Variants in KIAA1217 observed in about 807,000 individuals in gnomAD.
The protein encoded by KIAA1217 is sickle tail protein homolog.
Under a neutral mutation model 163.9 loss-of-function variants are expected in KIAA1217, and 88 were observed. That is an observed-to-expected ratio of 0.54 (90% CI 0.45 to 0.64). The LOEUF is 0.64. KIAA1217 is among the 30% of genes least tolerant of loss of function. KIAA1217 has a pLI of 0.00. For missense variants in KIAA1217, 2,372 were observed against 2,475.0 expected (o/e 0.96, Z 0.88); for synonymous variants, 903 against 923.1 (o/e 0.98, Z 0.39).
intron 2 of KIAA1217, among the ~76,000 whole-genome samples, chr10:24,359,837 A>T (rs1220752777): frequency 6.6e-6 from 1 of 151,994 alleles, no homozygotes; most frequent in Non-Finnish European, 1.5e-5. Flanking sequence ...TTGTTATATC[A>T]ACTATAATTC....
chr10:24,177,125 C>T (rs1286175019), intron 2 of KIAA1217, among the ~76,000 whole-genome samples: 1 of 151,502 alleles, frequency 6.6e-6, no homozygotes, highest in African/African-American at 2.4e-5. Context: ...TAGGCCTTGG[C>T]CAGCCCAGAG....
At chr10:23,730,242 A>G (rs1838402130) in intron 1 of KIAA1217, among the ~76,000 whole-genome samples, 1 of 151,934 alleles carries the variant, frequency 6.6e-6, no homozygotes, top group African/African-American at 2.4e-5. Context: ...CTGTGTCTAG[A>G]TTCTTTTTTT....
intron 3 of KIAA1217, among the ~76,000 whole-genome samples, chr10:24,392,592 C>T (rs2055129857): frequency 6.6e-6 from 1 of 152,194 alleles, no homozygotes. Context: ...AGAGGCAGAT[C>T]ATTGTTGAAG....
At chr10:23,930,889 C>G (rs1163073033) in intron 1 of KIAA1217, among the ~76,000 whole-genome samples, 1 of 152,138 alleles carries the variant, frequency 6.6e-6, no homozygotes, top group Non-Finnish European at 1.5e-5. Context: ...TTGAGCCTGT[C>G]CTTCCTCACG....
chr10:23,910,235 C>T (rs915179659), intron 1 of KIAA1217, among the ~76,000 whole-genome samples: 4 of 151,276 alleles, frequency 2.6e-5, no homozygotes, highest in African/African-American at 9.7e-5. Flanking sequence ...TACCGTGGCA[C>T]GTGTATACCT....
rs191743982 is a variant in KIAA1217 at position 24,138,056 on chromosome 10, C to T, written c.-170-81570C>T. ...AAAAATGAAAGATAAACACTATGAACGTATAGTAGCATAAGGTTCTTTCCA... is the reference window on the plus strand; with the variant it reads ...AAAAATGAAAGATAAACACTATGAATGTATAGTAGCATAAGGTTCTTTCCA... On this transcript the variant is annotated intron_variant, in intron 2 of 18. Coordinates refer to the KIAA1217 transcript ENST00000376462. 5.7e-4 allele frequency among the ~76,000 whole-genome samples: 87 copies of T among 152,134 alleles called. 2 individuals carry two copies. The highest frequency in any genetic ancestry group is 5.0e-3 in the South Asian group (24 of 4,816).
intron 2 of KIAA1217, among the ~76,000 whole-genome samples, chr10:24,146,437 T>C (rs1387863285): frequency 6.6e-6 from 1 of 152,206 alleles, no homozygotes; most frequent in Non-Finnish European, 1.5e-5. Flanking sequence ...TTGGACACAA[T>C]TTAATTATCA....
At chr10:24,350,483 G>A (rs974892833) in intron 2 of KIAA1217, among the ~76,000 whole-genome samples, 1 of 151,922 alleles carries the variant, frequency 6.6e-6, no homozygotes, top group African/African-American at 2.4e-5. Context: ...TTGCCTGGGT[G>A]CATTTTGAAA....
chr10:24,088,234 C>A (rs1487852736), intron 2 of KIAA1217, among the ~76,000 whole-genome samples: 4 of 103,872 alleles, frequency 3.9e-5, no homozygotes, highest in African/African-American at 1.4e-4. Context: ...TGTGTCCTCC[C>A]AGGCTCTGTT....
chr10:24,202,812 A>T (rs758668073), intron 2 of KIAA1217, among the ~76,000 whole-genome samples: 1 of 152,232 alleles, frequency 6.6e-6, no homozygotes, highest in Non-Finnish European at 1.5e-5. Flanking sequence ...GCCGAACTGC[A>T]TGATGCCTTA....
upstream of KIAA1217, among the ~76,000 whole-genome samples, chr10:24,204,135 G>T (rs1400693474): frequency 6.6e-6 from 1 of 152,228 alleles, no homozygotes; most frequent in East Asian, 1.9e-4. Flanking sequence ...AATTTGTGTG[G>T]AGTAGCAGGA....
intron 2 of KIAA1217, among the ~76,000 whole-genome samples, chr10:24,090,164 C>CTTTTTTTTTTTTTTTTTTTTTTTTTTT (rs1162687231): frequency 9.2e-5 from 10 of 109,232 alleles, no homozygotes; most frequent in Non-Finnish European, 1.8e-4. Context: ...TTTTCTTTTT[C>CTTTTTTTTTTTTTTTTTTTTTTTTTTT]TTTTTTTTTT....
chr10:24,520,193 G>C lies in KIAA1217; in HGVS notation c.2248G>C (p.Asp750His). ...AGCCAGCCGATTGGTTACTCTGAAA[G>C]ACGTGGAAGACGGGGCTTTCCTCCT... Reference protein sequence around the residue: ...TAASRLVTLKDVEDGAFLLRQ... With the variant: ...TAASRLVTLKHVEDGAFLLRQ... The change falls in exon 11 of 21, where the codon GAC becomes CAC. Residue 750 changes from aspartate to histidine, a missense_variant. By Grantham distance (81) the Asp-to-His change is moderately conservative (BLOSUM62 -1). This residue lies in a region of KIAA1217 where 1,431 missense variants were observed against 1,470.3 expected (regional missense o/e 0.97). Transcript: ENST00000376454. The C allele has an allele frequency of 6.2e-7, 1 of 1,614,164 alleles. No individual in the cohort carries two copies.
intron 1 of KIAA1217, among the ~76,000 whole-genome samples, chr10:24,004,648 T>A (rs989013204): frequency 6.6e-6 from 1 of 152,212 alleles, no homozygotes; most frequent in Non-Finnish European, 1.5e-5. Context: ...TAACTCAAGG[T>A]GTATTTTCAT....
At position 24,103,189 on chromosome 10, in the gene KIAA1217, A is replaced by G. The variant is rs1000271141; in HGVS notation, c.-171+95815A>G. On this transcript the variant is annotated intron_variant, in intron 2 of 18. Transcript: ENST00000376462. ...GAAGATAGTCTTTTTAAAATAGGGT[A>G]CTGGAACAACTAGACAACACATACA... Among the ~76,000 whole-genome samples the G allele has an allele frequency of 2.6e-5, 4 of 152,220 alleles. No individual in the cohort carries two copies. In the East Asian group the frequency reaches 5.8e-4, roughly 22 times the overall value.
chr10:24,527,725 G>A (rs560377490), intron 13 of KIAA1217, among the ~76,000 whole-genome samples: 1 of 152,028 alleles, frequency 6.6e-6, no homozygotes, highest in East Asian at 1.9e-4. Flanking sequence ...TAAAGTTCAG[G>A]GGTACAATTG....
intron 1 of KIAA1217, among the ~76,000 whole-genome samples, chr10:23,966,351 T>A (rs1243490911): frequency 6.6e-6 from 1 of 152,156 alleles, no homozygotes; most frequent in African/African-American, 2.4e-5. Context: ...AATGGGACTC[T>A]GAAGTCTCTA....
chr10:24,169,580 A>G (rs1315183103), intron 2 of KIAA1217, among the ~76,000 whole-genome samples: 1 of 152,194 alleles, frequency 6.6e-6, no homozygotes, highest in Non-Finnish European at 1.5e-5. Flanking sequence ...TTCATGATGA[A>G]TTAATGAATG....
intron 1 of KIAA1217, among the ~76,000 whole-genome samples, chr10:23,944,172 C>T (rs1257934995): frequency 6.6e-6 from 1 of 152,164 alleles, no homozygotes; most frequent in African/African-American, 2.4e-5. Flanking sequence ...TGCCTGCAAT[C>T]CCAGCACTTA....
Sources: allele counts gnomAD v4.1 joint callset (sites outside exome capture counted in the v4.1 genomes callset), GRCh38; gene constraint gnomAD v4.1.1; regional missense constraint gnomAD v4.1.1; transcripts MANE v1.5; gene names NCBI Gene and HGNC (gene_info 2026-07-23, HGNC 2026-07-21).